The following LARP4B variants were observed in gnomAD, a reference collection of about 807,000 sequenced individuals.
LARP4B encodes La ribonucleoprotein 4B.
LARP4B carries 12 observed loss-of-function variants against 89.8 expected under a neutral mutation model. The ratio of observed to expected loss-of-function variants is 0.13; its 90% CI spans 0.09 to 0.22. The LOEUF (loss-of-function observed/expected upper bound fraction) is 0.22. Ranked by LOEUF, LARP4B falls within the 10% of genes least tolerant of loss-of-function variation. LARP4B has a pLI of 1.00. For synonymous variants in LARP4B, 367 were observed against 363.3 expected (o/e 1.01, Z -0.12); for missense variants, 757 against 947.7 (o/e 0.80, Z 2.64).
At chr10:876,464 A>G (rs957633193) in intron 3 of LARP4B, among the ~76,000 whole-genome samples, 1 of 152,206 alleles carries the variant, frequency 6.6e-6, no homozygotes, top group African/African-American at 2.4e-5. Flanking sequence ...CAAGTTCAAG[A>G]CCCAACAGGG....
rs117456712 is a variant in LARP4B at position 830,086 on chromosome 10, G to A, written c.862-352C>T. The stretch of plus-strand genomic sequence containing the variant: ...CCCAATTTCAGATTAGGAGAATGCA[G>A]TTCAGGAAATACCAGACAGGAAGGA... On this transcript the variant is annotated intron_variant, in intron 9 of 17. Coordinates refer to ENST00000316157, the MANE Select transcript of LARP4B (RefSeq NM_015155.3). 7.7e-3 allele frequency among the ~76,000 whole-genome samples: 1,171 copies of A among 152,294 alleles called. 14 individuals are homozygous for A. Among genetic ancestry groups the A allele is most frequent in the South Asian group, 0.028 (133 of 4,826 alleles).
the LARP4B span, among the ~76,000 whole-genome samples, chr10:962,299 A>G: frequency 1.7e-4 from 20 of 117,468 alleles, no homozygotes; most frequent in East Asian, 4.3e-3. Flanking sequence ...CTCCATCTCC[A>G]AAAAAAAAAA....
chr10:883,972 A>G (rs1182022837), intron 3 of LARP4B, among the ~76,000 whole-genome samples: 8 of 152,218 alleles, frequency 5.3e-5, no homozygotes, highest in Non-Finnish European at 1.0e-4. Flanking sequence ...CACTTTATAT[A>G]TGCATATGCA....
the LARP4B span, among the ~76,000 whole-genome samples, chr10:954,365 G>C: frequency 3.9e-5 from 6 of 152,164 alleles, no homozygotes; most frequent in Non-Finnish European, 8.8e-5. This position sits in a 1 kb window ranked among gnomAD's most constrained non-coding sequence, Gnocchi z 5.0. Context: ...GGACGCGGAC[G>C]AAAAGGGGGC....
At chr10:879,139 C>T (rs1460104168) in intron 3 of LARP4B, among the ~76,000 whole-genome samples, 2 of 152,150 alleles carry the variant, frequency 1.3e-5, no homozygotes, top group African/African-American at 4.8e-5. Context: ...CTGAAAAGAT[C>T]ACGGGTATGT....
intron 5 of LARP4B, among the ~76,000 whole-genome samples, chr10:859,305 A>T (rs1326157024): frequency 6.6e-6 from 1 of 152,066 alleles, no homozygotes; most frequent in African/African-American, 2.4e-5. Context: ...GAAAATAACA[A>T]GTATTGGCAA....
the LARP4B span, among the ~76,000 whole-genome samples, chr10:943,257 T>C: frequency 6.6e-6 from 1 of 152,198 alleles, no homozygotes; most frequent in Admixed American, 6.5e-5. Context: ...TCACAAGTCC[T>C]TTCTGAAACC....
intron 5 of LARP4B, among the ~76,000 whole-genome samples, chr10:859,955 T>C (rs1171048814): frequency 6.6e-6 from 1 of 151,722 alleles, no homozygotes; most frequent in Non-Finnish European, 1.5e-5. Context: ...GGAGGGTACA[T>C]GTCATTATAC....
rs1392964852 is a variant in LARP4B at position 885,685 on chromosome 10, G to C, written c.37C>G (p.Pro13Ala). ...SDQDAKVVAE[P>A]QTQRVQEGKD... is the part of the protein sequence containing the mutation. ...CCCTCCTGGACTCTCTGCGTCTGCG[G>C]TTCAGCCACAACCTTAGCGTCCTGA... The change falls in exon 2 of 18, where the codon CCG (proline) becomes GCG (alanine). Residue 13 changes from proline to alanine, a missense_variant. Around this residue, in one of 5 missense-constraint regions of LARP4B, gnomAD observed 175 missense variants for 187.0 expected, o/e 0.94. Transcript: ENST00000316157. 1.9e-6 allele frequency: 3 copies of C among 1,614,004 alleles called. No homozygotes were observed. The African/African-American group carries it at 4.0e-5, about 22-fold the overall frequency.
chr10:923,560 T>C (rs1013990676), intron 1 of LARP4B, among the ~76,000 whole-genome samples: 1 of 150,826 alleles, frequency 6.6e-6, no homozygotes, highest in African/African-American at 2.4e-5. Flanking sequence ...ATTCTCTGAC[T>C]GATAAGGCAA....
chr10:820,955 A>G (rs1292567519), intron 13 of LARP4B, 110 bp from the exon 14 acceptor site: 2 of 904,892 alleles, frequency 2.2e-6, no homozygotes, highest in Admixed American at 2.5e-5. Flanking sequence ...AGTCTTTATC[A>G]CTTTGAAACC....
intron 15 of LARP4B, among the ~76,000 whole-genome samples, chr10:816,999 G>C (rs1177277204): frequency 6.6e-6 from 1 of 152,202 alleles, no homozygotes; most frequent in Non-Finnish European, 1.5e-5. Flanking sequence ...CACAGCTGGG[G>C]AAAGGGCCCC....
At chr10:847,558 A>AC (rs1223168724) in intron 5 of LARP4B, among the ~76,000 whole-genome samples, 1 of 151,028 alleles carries the variant, frequency 6.6e-6, no homozygotes, top group African/African-American at 2.4e-5. Flanking sequence ...TTGCTCTGTC[A>AC]CCCAGACTGG....
the LARP4B span, among the ~76,000 whole-genome samples, chr10:981,393 G>A: frequency 1.3e-5 from 2 of 151,974 alleles, no homozygotes; most frequent in Non-Finnish European, 1.5e-5. Flanking sequence ...TGCTCCACTC[G>A]TTGGTACCAA....
At chr10:973,150 A>G in the LARP4B span, among the ~76,000 whole-genome samples, 9 of 152,092 alleles carry the variant, frequency 5.9e-5, no homozygotes, top group Non-Finnish European at 1.2e-4. Context: ...ATGTGCTATG[A>G]GAGTCCCACC....
intron 1 of LARP4B, among the ~76,000 whole-genome samples, chr10:900,284 T>C (rs1251016525): frequency 6.6e-6 from 1 of 151,916 alleles, no homozygotes; most frequent in Non-Finnish European, 1.5e-5. Context: ...GAGAAGAAGG[T>C]TGCAGTGAGC....
Position 884,484 on chromosome 10 carries a change from G to A in LARP4B, c.104C>T (p.Thr35Ile). The A allele has an allele frequency of 6.2e-7, 1 of 1,606,256 alleles. No homozygotes were observed. The highest frequency in any genetic ancestry group is 8.5e-7 in the Non-Finnish European group (1 of 1,173,084). The change falls in exon 3 of 18, where the codon ACC becomes ATC. Residue 35 changes from threonine to isoleucine, a missense_variant. By Grantham distance (89) the Thr-to-Ile change is moderately conservative. Transcript: ENST00000316157. ...TGGGATGGAACTTGTCTGAGAAGTG[G>A]TTTGAGATATAGGACCATTCATCTG... ...AHLMNGPISQTTSQTSSIPPL... is the reference protein window; with the variant it reads ...AHLMNGPISQITSQTSSIPPL...
chr10:954,504 G>A, the LARP4B span, among the ~76,000 whole-genome samples: 3 of 152,190 alleles, frequency 2.0e-5, no homozygotes, highest in Admixed American at 2.0e-4. This position sits in a 1 kb window ranked among gnomAD's most constrained non-coding sequence, Gnocchi z 5.0. Context: ...GTGGCTCAGA[G>A]AAGAGGTGCG....
At chr10:840,828 C>A (rs567071989) in intron 7 of LARP4B, among the ~76,000 whole-genome samples, 2 of 152,226 alleles carry the variant, frequency 1.3e-5, no homozygotes, top group South Asian at 2.1e-4. Context: ...GTGTCTGAGT[C>A]TCTGCTAGGT....
Sources: allele counts gnomAD v4.1 joint callset (sites outside exome capture counted in the v4.1 genomes callset), GRCh38; gene constraint gnomAD v4.1.1; regional missense constraint gnomAD v4.1.1; non-coding constraint Gnocchi (gnomAD v3.1); transcripts MANE v1.5; gene names NCBI Gene and HGNC (gene_info 2026-07-23, HGNC 2026-07-21).